PAX5: variants seen among roughly 807,000 people sequenced by gnomAD.
PAX5 encodes the protein paired box 5, also known as paired box protein Pax-5.
Under a neutral mutation model 43.7 loss-of-function variants are expected in PAX5, and 9 were observed. That is an observed-to-expected ratio of 0.21 (90% CI 0.12 to 0.36). The LOEUF (loss-of-function observed/expected upper bound fraction) is 0.36. PAX5 is among the 10% of genes least tolerant of loss of function. The pLI is 1.00. For missense variants in PAX5, 383 were observed against 532.7 expected, an observed-to-expected ratio of 0.72 and a Z score of 2.77; for synonymous variants, 228 against 214.3, an observed-to-expected ratio of 1.06 and a Z score of -0.56.
Position 36,964,451 on chromosome 9 carries a change from G to A in PAX5, c.780+2098C>T, listed in dbSNP as rs190508825. Among the ~76,000 whole-genome samples the A allele has an allele frequency of 3.3e-5, 5 of 151,932 alleles. No homozygotes were observed. The East Asian group carries it at 5.8e-4, about 18-fold the overall frequency. ...CTAAAAATACAAAAAAATTAGCCGGGCGTGGTGGCAGGCACCTGTAATCCC... is the reference window on the plus strand; with the variant it reads ...CTAAAAATACAAAAAAATTAGCCGGACGTGGTGGCAGGCACCTGTAATCCC... On this transcript the variant is annotated intron_variant, in intron 6 of 9. Coordinates refer to ENST00000358127, the MANE Select transcript of PAX5 (RefSeq NM_016734.3).
chr9:37,020,515 G>T, intron 2 of PAX5, 121 bp downstream of exon 2: 1 of 1,031,782 alleles, frequency 9.7e-7, no homozygotes. Flanking sequence ...AAAGTGCTCT[G>T]CGTGTGAAAC....
chr9:36,888,715 C>T (rs76188611), intron 7 of PAX5, among the ~76,000 whole-genome samples: 6,304 of 152,278 alleles, frequency 0.041, 165 homozygotes, highest in East Asian at 0.098. Context: ...CTATGGCTGA[C>T]GCTGGTGGAA....
At chr9:36,874,159 G>A (rs777787177) in intron 8 of PAX5, among the ~76,000 whole-genome samples, 7 of 152,106 alleles carry the variant, frequency 4.6e-5, no homozygotes, top group African/African-American at 9.7e-5. Flanking sequence ...CGGTGTCTCC[G>A]TAACTACACA....
intron 3 of PAX5, among the ~76,000 whole-genome samples, chr9:37,010,149 C>T (rs2132444379): frequency 6.6e-6 from 1 of 152,304 alleles, no homozygotes; most frequent in Admixed American, 6.5e-5. Context: ...TGTCAAGACT[C>T]ATCCAATAAG....
chr9:36,907,079 CT>C (rs559720841), intron 7 of PAX5, among the ~76,000 whole-genome samples: 12 of 152,216 alleles, frequency 7.9e-5, no homozygotes, highest in Non-Finnish European at 1.2e-4. Flanking sequence ...GCTTGAGGGG[CT>C]TGGTACCAAG....
At chr9:37,006,905 G>A (rs182205838) in intron 3 of PAX5, among the ~76,000 whole-genome samples, 1 of 152,300 alleles carries the variant, frequency 6.6e-6, no homozygotes, top group Non-Finnish European at 1.5e-5. Context: ...TGACTTTAGG[G>A]AGTCCTTCCC....
chr9:36,964,650 G>C (rs1319194929), intron 6 of PAX5, among the ~76,000 whole-genome samples: 1 of 151,392 alleles, frequency 6.6e-6, no homozygotes, highest in African/African-American at 2.4e-5. Flanking sequence ...GGGAAGGACA[G>C]GCCTCATCCA....
intron 7 of PAX5, among the ~76,000 whole-genome samples, chr9:36,900,130 C>T (rs770967054): frequency 1.3e-4 from 20 of 152,352 alleles, no homozygotes; most frequent in Non-Finnish European, 1.8e-4. Context: ...GGGCATTTTC[C>T]ACTTTAAGAG....
intron 1 of PAX5, among the ~76,000 whole-genome samples, chr9:37,033,349 T>G (rs1026004634): frequency 2.6e-5 from 4 of 152,196 alleles, no homozygotes; most frequent in Middle Eastern, 3.2e-3. Context: ...AATGTGAACA[T>G]TGGCGTGTAT....
intron 1 of PAX5, among the ~76,000 whole-genome samples, chr9:37,028,339 CAAG>C (rs1341727155): frequency 6.6e-6 from 1 of 152,202 alleles, no homozygotes; most frequent in Admixed American, 6.5e-5. Flanking sequence ...CTAATTTTAT[CAAG>C]TACCTACTAA....
chr9:36,898,110 T>C lies in PAX5; in HGVS notation c.911-16005A>G, dbSNP rs189771503. Among the ~76,000 whole-genome samples the C allele has an allele frequency of 3.6e-3, 554 of 152,016 alleles. 9 individuals carry two copies. The highest frequency in any genetic ancestry group is 0.013 in the African/African-American group (544 of 41,444). On this transcript the variant is annotated intron_variant, in intron 7 of 9. Coordinates refer to ENST00000358127, the MANE Select transcript of PAX5 (RefSeq NM_016734.3). ...TGTTCCTGGGTTTGGAAATGGAGGA[T>C]GGAAAGAGGGAAGGAAAGAGAATGA...
intron 5 of PAX5, among the ~76,000 whole-genome samples, chr9:36,969,594 C>T (rs10814491): frequency 0.56 from 85,709 of 152,182 alleles, 26,003 homozygotes; most frequent in East Asian, 0.78. Flanking sequence ...TCGCTGGACA[C>T]GCGCCCCTCT....
At chr9:36,852,534 C>T (rs1232228532) in intron 8 of PAX5, among the ~76,000 whole-genome samples, 1 of 152,204 alleles carries the variant, frequency 6.6e-6, no homozygotes, top group African/African-American at 2.4e-5. Flanking sequence ...CGCTGGCAGT[C>T]AAGGAGCAGC....
chr9:36,839,010 A>G lies in PAX5; in HGVS notation c.*1550T>C. 1 of 233,286 alleles carries G rather than the reference A, an allele frequency of 4.3e-6. No individual in the cohort carries two copies. The highest frequency in any genetic ancestry group is 8.5e-6 in the Non-Finnish European group (1 of 118,062). 14.5% of individuals were successfully genotyped at this position (233,286 alleles called of 1,614,324 possible). On this transcript the variant is annotated 3_prime_UTR_variant, in exon 10 of 10. Transcript: ENST00000358127. ...ACCTAAGAAGGCCAAGCCCCCTCTC[A>G]TCACTGTCATTCAGCCCAGGTTTGG...
intron 1 of PAX5, among the ~76,000 whole-genome samples, chr9:37,031,655 T>C (rs1247155361): frequency 6.6e-6 from 1 of 152,198 alleles, no homozygotes. Context: ...TTACTCATGC[T>C]TTATGATCTC....
rs923429014 is a variant in PAX5, at chr9:36,965,962, C to T, written c.780+587G>A. Among the ~76,000 whole-genome samples the T allele has an allele frequency of 5.3e-5, 8 of 152,218 alleles. No homozygotes were observed. In the South Asian group the frequency reaches 6.2e-4, roughly 12 times the overall value. The stretch of plus-strand genomic sequence containing the variant: ...CTCTGCCCAGGGTATAGCAGACAGC[C>T]GGTCAGCCAGGGCTGGTCCTCCTGC... On this transcript the variant is annotated intron_variant, in intron 6 of 9. Coordinates refer to ENST00000358127, the MANE Select transcript of PAX5 (RefSeq NM_016734.3).
intron 7 of PAX5, among the ~76,000 whole-genome samples, chr9:36,922,164 C>T (rs1163004381): frequency 6.6e-6 from 1 of 152,186 alleles, no homozygotes. Flanking sequence ...GCCCAGGTCT[C>T]GGAGCTGGGC....
chr9:36,872,420 G>A (rs1825571819), intron 8 of PAX5, among the ~76,000 whole-genome samples: 1 of 152,154 alleles, frequency 6.6e-6, no homozygotes, highest in Non-Finnish European at 1.5e-5. Flanking sequence ...AATGGCAGGA[G>A]CAGAAAACCC....
chr9:36,958,000 G>T (rs764977258), intron 6 of PAX5, among the ~76,000 whole-genome samples: 1 of 152,174 alleles, frequency 6.6e-6, no homozygotes, highest in Non-Finnish European at 1.5e-5. Flanking sequence ...GCCCCAAAGC[G>T]TATCTTCCCA....
Sources: gnomAD v4.1 joint callset for allele counts (sites outside exome capture counted in the v4.1 genomes callset) on GRCh38, gnomAD v4.1.1 for gene constraint, MANE v1.5 for transcripts, NCBI Gene and HGNC (gene_info 2026-07-23, HGNC 2026-07-21) for gene names.